The following PTK2 variants were observed in gnomAD, a reference collection of about 807,000 sequenced individuals.
The protein encoded by PTK2 is focal adhesion kinase 1.
Under a neutral mutation model 150.1 loss-of-function variants are expected in PTK2, and 45 were observed. That is an observed-to-expected ratio of 0.30 (90% CI 0.24 to 0.38). PTK2 has a LOEUF of 0.38. PTK2 is among the 10% of genes least tolerant of loss of function. The probability of loss-of-function intolerance (pLI) is 1.00; values close to 1 mark genes in which losing one functional copy is unlikely to be tolerated. For missense variants in PTK2, 919 were observed against 1,307.3 expected (o/e 0.70, Z 4.58); for synonymous variants, 432 against 449.2 (o/e 0.96, Z 0.48).
intron 3 of PTK2, among the ~76,000 whole-genome samples, chr8:140,882,272 G>C (rs78380642): frequency 2.9e-4 from 44 of 152,230 alleles, no homozygotes; most frequent in African/African-American, 1.0e-3. Context: ...ATAATTCTGA[G>C]AACTACGTAT....
intron 22 of PTK2, among the ~76,000 whole-genome samples, chr8:140,725,344 G>T (rs920603955): frequency 7.1e-5 from 10 of 140,450 alleles, no homozygotes; most frequent in Non-Finnish European, 1.6e-4. Context: ...CGTGTGAGTA[G>T]CTCTTATTTG....
At chr8:140,735,796 C>T (rs1258022986) in intron 21 of PTK2, among the ~76,000 whole-genome samples, 5 of 152,148 alleles carry the variant, frequency 3.3e-5, no homozygotes, top group African/African-American at 9.7e-5. Context: ...TTAATCCGCC[C>T]CACTTTGGTC....
chr8:140,896,730 C>G (rs1337112512), intron 2 of PTK2, among the ~76,000 whole-genome samples: 1 of 138,200 alleles, frequency 7.2e-6, no homozygotes, highest in Non-Finnish European at 1.6e-5. Context: ...TTGCGTACAG[C>G]ATTGTTCTGG....
rs575658152 is a variant in PTK2, at chr8:140,692,548, C to T, written c.2500-5854G>A. Among the ~76,000 whole-genome samples, 123 of 152,024 alleles carry T rather than the reference C, an allele frequency of 8.1e-4. 3 individuals are homozygous for T. Among genetic ancestry groups the T allele is most frequent in the African/African-American group, 2.5e-3 (102 of 41,484 alleles). On this transcript the variant is annotated intron_variant, in intron 26 of 31. Coordinates refer to ENST00000522684, the Ensembl canonical transcript of PTK2. ...AGGAGAATCGCTTAAACCCGGGAGG[C>T]GGAGGTTGCAGTGTGCCAAGATTGC...
chr8:140,902,921 G>GTTGT (rs2100159118), intron 2 of PTK2, among the ~76,000 whole-genome samples: 2 of 66,784 alleles, frequency 3.0e-5, no homozygotes, highest in African/African-American at 1.3e-4. Flanking sequence ...TCTGATGAGA[G>GTTGT]TTGTTTTTTT....
At chr8:140,866,069 G>A (rs773295211) in intron 4 of PTK2, among the ~76,000 whole-genome samples, 3 of 152,138 alleles carry the variant, frequency 2.0e-5, no homozygotes, top group South Asian at 2.1e-4. Flanking sequence ...GATTACAGGC[G>A]TGTGAGCCAC....
intron 31 of PTK2, chr8:140,663,026 A>G (rs935979497): frequency 3.3e-5 from 12 of 359,462 alleles, no homozygotes; most frequent in Non-Finnish European, 6.0e-5. Context: ...GAAAAGTGCT[A>G]CAGAGACAAC....
intron 2 of PTK2, among the ~76,000 whole-genome samples, chr8:140,923,721 C>T (rs998437793): frequency 3.0e-4 from 46 of 152,226 alleles, no homozygotes; most frequent in African/African-American, 1.0e-3. Flanking sequence ...ACCTTTACAC[C>T]AACCTCTTTT....
chr8:140,674,276 C>T, intron 29 of PTK2, 22 bp downstream of exon 32: 1 of 1,577,050 alleles, frequency 6.3e-7, no homozygotes, highest in Non-Finnish European at 8.7e-7. Flanking sequence ...GCAGAAGGTG[C>T]TGCACAGGCT....
At chr8:140,775,123 G>C (rs1009114055) in intron 14 of PTK2, among the ~76,000 whole-genome samples, 2 of 152,210 alleles carry the variant, frequency 1.3e-5, no homozygotes, top group East Asian at 3.9e-4. Flanking sequence ...CCTCTCTTGG[G>C]GTCTGGATCA....
At chr8:140,898,079 C>G (rs370538249) in intron 2 of PTK2, among the ~76,000 whole-genome samples, 5 of 152,070 alleles carry the variant, frequency 3.3e-5, no homozygotes, top group Non-Finnish European at 7.4e-5. Context: ...GATGAAGAAC[C>G]AGTTTAAATT....
At chr8:140,719,800 C>T (rs1441077284) in intron 22 of PTK2, among the ~76,000 whole-genome samples, 3 of 147,334 alleles carry the variant, frequency 2.0e-5, no homozygotes, top group African/African-American at 5.1e-5. Context: ...GAGGTGGGAT[C>T]GCTTGAGTCC....
intron 2 of PTK2, among the ~76,000 whole-genome samples, chr8:140,897,971 A>G (rs1431492931): frequency 1.3e-5 from 2 of 152,178 alleles, no homozygotes; most frequent in African/African-American, 2.4e-5. Flanking sequence ...GCACTACATA[A>G]TATCTTTTTC....
At chr8:140,993,381 T>C (rs2100196463) in intron 1 of PTK2, among the ~76,000 whole-genome samples, 1 of 152,226 alleles carries the variant, frequency 6.6e-6, no homozygotes, top group African/African-American at 2.4e-5. Context: ...CTGATGCAAG[T>C]AACAGTTCTC....
At chr8:140,946,678 C>T (rs2100177813) in intron 1 of PTK2, among the ~76,000 whole-genome samples, 1 of 152,150 alleles carries the variant, frequency 6.6e-6, no homozygotes, top group Non-Finnish European at 1.5e-5. Context: ...TATGACTACC[C>T]TATTTAGACC....
intron 1 of PTK2, among the ~76,000 whole-genome samples, chr8:140,945,663 T>A (rs529369302): frequency 6.6e-6 from 1 of 152,306 alleles, no homozygotes; most frequent in Admixed American, 6.5e-5. Context: ...TTAAACTTTT[T>A]TAAAGCTCCT....
intron 23 of PTK2, among the ~76,000 whole-genome samples, chr8:140,712,465 C>T (rs1341348974): frequency 6.6e-6 from 1 of 152,018 alleles, no homozygotes; most frequent in Non-Finnish European, 1.5e-5. Flanking sequence ...TGATTTGACA[C>T]CAAAATGCAA....
intron 8 of PTK2, among the ~76,000 whole-genome samples, chr8:140,824,902 T>C (rs2100110963): frequency 6.6e-6 from 1 of 152,214 alleles, no homozygotes; most frequent in African/African-American, 2.4e-5. Context: ...TTACTAAGAA[T>C]GTGATACTTC....
chr8:140,906,106 T>C (rs530618790), intron 2 of PTK2, among the ~76,000 whole-genome samples: 1 of 150,894 alleles, frequency 6.6e-6, no homozygotes, highest in Non-Finnish European at 1.5e-5. Context: ...CCAATAGGTA[T>C]ATGGAAAAAA....
Sources: allele counts gnomAD v4.1 joint callset (sites outside exome capture counted in the v4.1 genomes callset), GRCh38; gene constraint gnomAD v4.1.1; transcripts MANE v1.5; gene names NCBI Gene and HGNC (gene_info 2026-07-23, HGNC 2026-07-21).